The following ACOXL variants were observed in gnomAD, a reference collection of about 807,000 sequenced individuals.
ACOXL encodes acyl-coenzyme A oxidase-like protein.
In ACOXL, 70 loss-of-function variants were observed where a neutral mutation model predicts 71.9. That is an observed-to-expected ratio of 0.97 (90% CI 0.80 to 1.19). The LOEUF is 1.19. Among genes scored for constraint, ACOXL ranks in the 50% most tolerant of loss-of-function variants. The pLI, the probability that ACOXL is intolerant of heterozygous loss-of-function variation, is 0.00. For synonymous variants in ACOXL, 253 were observed against 281.6 expected, an observed-to-expected ratio of 0.90 and a Z score of 1.02; for missense variants, 703 against 736.3, an observed-to-expected ratio of 0.95 and a Z score of 0.52.
rs180872584 is a variant in ACOXL at position 110,996,970 on chromosome 2, G to A, written c.1281+966G>A. Among the ~76,000 whole-genome samples the A allele has an allele frequency of 2.1e-3, 325 of 152,262 alleles. 1 individual carries two copies. Among genetic ancestry groups the A allele is most frequent in the Middle Eastern group, 0.01 (3 of 294 alleles). On this transcript the variant is annotated intron_variant, in intron 14 of 17. Transcript: ENST00000439055. ...GTGTAAATCAATTTTTCCCCCAGGC[G>A]TAGATCTGAGGTGAGGCTGTGCCAG...
chr2:110,856,093 G>A (rs1451524368), intron 10 of ACOXL, among the ~76,000 whole-genome samples: 1 of 152,088 alleles, frequency 6.6e-6, no homozygotes, highest in African/African-American at 2.4e-5. Flanking sequence ...ACTGATTGGT[G>A]CATTTTACAA....
At chr2:111,063,897 T>G (rs1321558580) in intron 16 of ACOXL, among the ~76,000 whole-genome samples, 2 of 150,764 alleles carry the variant, frequency 1.3e-5, no homozygotes, top group African/African-American at 4.9e-5. Flanking sequence ...TCTACAAGAA[T>G]GAAGCAAGGA....
At chr2:111,036,422 G>A (rs2065518097) in intron 15 of ACOXL, among the ~76,000 whole-genome samples, 1 of 152,188 alleles carries the variant, frequency 6.6e-6, no homozygotes, top group South Asian at 2.1e-4. Flanking sequence ...CGTTAAATGT[G>A]TGGGCAGTGG....
chr2:110,988,885 G>A (rs1469347846), intron 13 of ACOXL, among the ~76,000 whole-genome samples: 2 of 151,672 alleles, frequency 1.3e-5, no homozygotes, highest in African/African-American at 4.8e-5. Context: ...GTGTGTGTGT[G>A]TGTGTGTGTC....
At chr2:110,807,166 C>A (rs1014958978) in intron 9 of ACOXL, among the ~76,000 whole-genome samples, 2 of 152,224 alleles carry the variant, frequency 1.3e-5, no homozygotes, top group Non-Finnish European at 2.9e-5. Flanking sequence ...TGATCATGAT[C>A]GTGGGCAGGA....
chr2:110,736,423 A>G (rs1676850175), intron 1 of ACOXL, among the ~76,000 whole-genome samples: 1 of 151,762 alleles, frequency 6.6e-6, no homozygotes, highest in Non-Finnish European at 1.5e-5. Context: ...CTCATTCTAC[A>G]TTCTGTCTCT....
chr2:110,782,922 T>C (rs1683519373), intron 2 of ACOXL, among the ~76,000 whole-genome samples: 1 of 152,102 alleles, frequency 6.6e-6, no homozygotes, highest in South Asian at 2.1e-4. Context: ...CAGGACAGGT[T>C]GATGTCAGGT....
chr2:111,079,281 T>C (rs564390819), intron 16 of ACOXL, among the ~76,000 whole-genome samples: 4 of 152,322 alleles, frequency 2.6e-5, no homozygotes, highest in South Asian at 4.1e-4. Context: ...TGAGTCTCCA[T>C]TGACTGATTC....
At chr2:111,014,285 G>A (rs530792939) in intron 14 of ACOXL, among the ~76,000 whole-genome samples, 32 of 152,212 alleles carry the variant, frequency 2.1e-4, no homozygotes, top group African/African-American at 7.5e-4. Context: ...GCTCAAAACA[G>A]GGCTACAGGA....
At chr2:110,886,663 G>A in intron 10 of ACOXL, 1 of 1,312,250 alleles carries the variant, frequency 7.6e-7, no homozygotes, top group East Asian at 2.5e-5. Flanking sequence ...ACAGGCTTGA[G>A]CCACTGCGTC....
At chr2:110,762,317 T>C (rs1680509679) in intron 1 of ACOXL, among the ~76,000 whole-genome samples, 1 of 152,214 alleles carries the variant, frequency 6.6e-6, no homozygotes, top group African/African-American at 2.4e-5. Context: ...TTAATTGTGG[T>C]ATTTAAACCA....
intron 9 of ACOXL, among the ~76,000 whole-genome samples, chr2:110,826,680 A>G (rs983285397): frequency 2.6e-4 from 39 of 151,696 alleles, no homozygotes; most frequent in Non-Finnish European, 1.0e-4. Context: ...AAAACATGTC[A>G]TGTTAAAGTT....
intron 9 of ACOXL, among the ~76,000 whole-genome samples, chr2:110,833,474 TGCG>T (rs1690084749): frequency 2.1e-4 from 32 of 152,096 alleles, no homozygotes; most frequent in Admixed American, 2.1e-3. Context: ...GAGGGATGCT[TGCG>T]GGGATGGAGA....
At chr2:110,818,410 C>CATAT (rs1371218363) in intron 9 of ACOXL, among the ~76,000 whole-genome samples, 19 of 128,524 alleles carry the variant, frequency 1.5e-4, no homozygotes, top group African/African-American at 4.9e-4. Context: ...AAAAAAAAAA[C>CATAT]ATATATATAT....
In ACOXL at chr2:111,068,102, CAG is replaced by C. The variant is rs1320397158; in HGVS notation, c.1440+18817_1440+18818del. Among the ~76,000 whole-genome samples the C allele has an allele frequency of 3.3e-5, 5 of 152,314 alleles. No individual in the cohort carries two copies. In the East Asian group the frequency reaches 9.6e-4, roughly 29 times the overall value. On this transcript the variant is annotated intron_variant, in intron 16 of 17. Coordinates refer to ENST00000439055, the MANE Select transcript of ACOXL (RefSeq NM_001142807.4). ...CCACCCACCCCCTATACAGTGAAAACAGAGGAGGCGAATGGGGGCTGTCCTCC... is the reference window on the plus strand; with the variant it reads ...CCACCCACCCCCTATACAGTGAAAACAGGAGGCGAATGGGGGCTGTCCTCC...
intron 10 of ACOXL, among the ~76,000 whole-genome samples, chr2:110,892,724 A>C (rs1698060407): frequency 6.6e-6 from 1 of 152,202 alleles, no homozygotes; most frequent in Non-Finnish European, 1.5e-5. Flanking sequence ...AAAAAGCTAT[A>C]TCCAGGGAGG....
At chr2:110,887,592 C>G (rs1161352519) in intron 10 of ACOXL, 1 of 152,356 alleles carries the variant, frequency 6.6e-6, no homozygotes, top group Non-Finnish European at 1.5e-5. Context: ...GTAGCTGGAA[C>G]TATAGGCATG....
intron 1 of ACOXL, among the ~76,000 whole-genome samples, chr2:110,750,563 A>G (rs902749489): frequency 6.7e-6 from 1 of 149,170 alleles, no homozygotes; most frequent in African/African-American, 2.4e-5. Flanking sequence ...ACTTTTTTCC[A>G]CTACTATATA....
At chr2:110,804,077 C>T (rs1019983123) in intron 8 of ACOXL, among the ~76,000 whole-genome samples, 1 of 150,834 alleles carries the variant, frequency 6.6e-6, no homozygotes, top group Non-Finnish European at 1.5e-5. Context: ...ACCTCTGCCT[C>T]CTGGGTTCAA....
Sources: gnomAD v4.1 joint callset for allele counts (sites outside exome capture counted in the v4.1 genomes callset) on GRCh38, gnomAD v4.1.1 for gene constraint, MANE v1.5 for transcripts, NCBI Gene and HGNC (gene_info 2026-07-23, HGNC 2026-07-21) for gene names.